Variants in DIAPH3 observed in about 807,000 individuals in gnomAD.
DIAPH3 encodes the protein diaphanous related formin 3, also known as protein diaphanous homolog 3.
In DIAPH3, 117 loss-of-function variants were observed where a neutral mutation model predicts 144.3. The ratio of observed to expected loss-of-function variants is 0.81; its 90% CI spans 0.70 to 0.95. The LOEUF (loss-of-function observed/expected upper bound fraction) is 0.95. Ranked by LOEUF, DIAPH3 falls within the 40% of genes least tolerant of loss-of-function variation. The pLI, the probability that DIAPH3 is intolerant of heterozygous loss-of-function variation, is 0.00. For synonymous variants in DIAPH3, 519 were observed against 488.9 expected (o/e 1.06, Z -0.81); for missense variants, 1,421 against 1,412.7 (o/e 1.01, Z -0.09).
At chr13:59,802,509 AAC>A (rs1325084301) in intron 25 of DIAPH3, among the ~76,000 whole-genome samples, 7 of 149,438 alleles carry the variant, frequency 4.7e-5, no homozygotes, top group African/African-American at 1.7e-4. Context: ...ATTATTTTTC[AAC>A]ACAGACTGGT....
chr13:59,667,491 C>T (rs1370145185), intron 27 of DIAPH3, among the ~76,000 whole-genome samples: 1 of 152,078 alleles, frequency 6.6e-6, no homozygotes, highest in Non-Finnish European at 1.5e-5. Context: ...GATTAATTTC[C>T]TTTTTGAATG....
chr13:59,703,746 GT>G (rs959866260), intron 27 of DIAPH3, among the ~76,000 whole-genome samples: 1 of 152,026 alleles, frequency 6.6e-6, no homozygotes, highest in African/African-American at 2.4e-5. Context: ...TTGTATGCGT[GT>G]TTATGTGTGT....
intron 22 of DIAPH3, among the ~76,000 whole-genome samples, chr13:59,842,056 CAG>C (rs1267135959): frequency 6.6e-6 from 1 of 151,974 alleles, no homozygotes; most frequent in Non-Finnish European, 1.5e-5. Context: ...TTTAAATAAA[CAG>C]ATATAATTTT....
intron 9 of DIAPH3, among the ~76,000 whole-genome samples, chr13:60,007,820 T>C (rs1258042055): frequency 6.6e-6 from 1 of 152,194 alleles, no homozygotes; most frequent in African/African-American, 2.4e-5. Context: ...GAAACATCTA[T>C]AACCTTGGGT....
At chr13:59,762,346 C>G (rs1211555367) in intron 27 of DIAPH3, among the ~76,000 whole-genome samples, 1 of 152,086 alleles carries the variant, frequency 6.6e-6, no homozygotes, top group Non-Finnish European at 1.5e-5. Flanking sequence ...AGGCGTGAGC[C>G]ACCGCGCCCG....
At chr13:59,979,077 T>C (rs1365466023) in intron 14 of DIAPH3, among the ~76,000 whole-genome samples, 2 of 151,678 alleles carry the variant, frequency 1.3e-5, no homozygotes, top group African/African-American at 2.4e-5. Context: ...CAAAATGATA[T>C]GGCAATAGAA....
intron 22 of DIAPH3, among the ~76,000 whole-genome samples, chr13:59,850,294 A>T (rs1481616064): frequency 6.7e-6 from 1 of 149,496 alleles, no homozygotes; most frequent in Non-Finnish European, 1.5e-5. Flanking sequence ...CTCTTTTCCT[A>T]ATTGAATACC....
chr13:59,685,649 G>A (rs1409739971), intron 27 of DIAPH3, among the ~76,000 whole-genome samples: 4 of 152,010 alleles, frequency 2.6e-5, no homozygotes, highest in East Asian at 1.9e-4. Context: ...CTCTGTCATC[G>A]CCTAGATCAT....
intron 24 of DIAPH3, among the ~76,000 whole-genome samples, chr13:59,824,514 G>A (rs2041261918): frequency 6.6e-6 from 1 of 152,128 alleles, no homozygotes; most frequent in South Asian, 2.1e-4. Flanking sequence ...ATTGGCTGAG[G>A]CCTATCATAG....
chr13:59,998,322 AAAACT>A (rs1324864103), intron 9 of DIAPH3, among the ~76,000 whole-genome samples: 5 of 152,126 alleles, frequency 3.3e-5, no homozygotes, highest in African/African-American at 1.2e-4. Flanking sequence ...GCCTTTTTCT[AAAACT>A]GCCTTTATTG....
chr13:59,766,741 T>C (rs917863557), intron 27 of DIAPH3, among the ~76,000 whole-genome samples: 4 of 151,876 alleles, frequency 2.6e-5, no homozygotes, highest in Non-Finnish European at 5.9e-5. Context: ...ACAAACCATT[T>C]GGTTCAGCTA....
intron 25 of DIAPH3, among the ~76,000 whole-genome samples, chr13:59,777,537 G>A (rs992193142): frequency 2.0e-5 from 3 of 152,106 alleles, no homozygotes; most frequent in African/African-American, 2.4e-5. Context: ...GGGATGTAGA[G>A]GAACAGGATA....
intron 1 of DIAPH3, among the ~76,000 whole-genome samples, chr13:60,133,247 G>A (rs1424821629): frequency 6.6e-6 from 1 of 151,546 alleles, no homozygotes; most frequent in Non-Finnish European, 1.5e-5. Flanking sequence ...AATTAACTAT[G>A]GTACAATAAA....
At chr13:59,813,424 T>C (rs1003503019) in intron 24 of DIAPH3, among the ~76,000 whole-genome samples, 1 of 151,990 alleles carries the variant, frequency 6.6e-6, no homozygotes, top group African/African-American at 2.4e-5. Flanking sequence ...AAGTACTTGT[T>C]TACTGTAATA....
intron 20 of DIAPH3, among the ~76,000 whole-genome samples, chr13:59,910,176 T>TAAAA (rs35063217): frequency 1.4e-5 from 2 of 144,624 alleles, no homozygotes. Context: ...AAAACATAGG[T>TAAAA]AAAAAAAAAA....
In DIAPH3 at chr13:59,941,143, T is replaced by C. The variant is rs140245880; in HGVS notation, c.2075-16273A>G. 5.3e-5 allele frequency among the ~76,000 whole-genome samples: 8 copies of C among 152,256 alleles called. No individual in the cohort carries two copies. In the East Asian group the frequency reaches 1.5e-3, roughly 29 times the overall value. On this transcript the variant is annotated intron_variant, in intron 17 of 27. Transcript: ENST00000400324. ...AGTGAGACAATAGTCTTGAAAGCTA[T>C]GTGGTTCAATTGCAAAAGCTGGTTA...
At chr13:59,714,795 C>G (rs342590) in intron 27 of DIAPH3, among the ~76,000 whole-genome samples, 40,951 of 151,908 alleles carry the variant, frequency 0.27, 5,989 homozygotes, top group East Asian at 0.43. Flanking sequence ...GCTAACTGGG[C>G]CCTGAGGGAG....
rs188721921 is a variant in DIAPH3, at chr13:59,666,769, C to A, written c.3397G>T (p.Ala1133Ser). The A allele has an allele frequency of 6.8e-6, 11 of 1,613,982 alleles. No individual in the cohort carries two copies. The highest frequency in any genetic ancestry group is 3.3e-5 in the South Asian group (3 of 91,086). Residue 1133 changes from alanine (A) to serine (S), a missense_variant, in exon 28 of 28, where the codon GCC becomes TCC. By Grantham distance (99) the Ala-to-Ser change is moderately conservative. Transcript: ENST00000400324. ...INCNSTRTPV[A>S]KELNYNLDTH... ...TCTAGATTATAATTAAGCTCCTTGGCGACTGGAGTCCTTGTTGAGTTGCAA... is the reference window on the plus strand; with the variant it reads ...TCTAGATTATAATTAAGCTCCTTGGAGACTGGAGTCCTTGTTGAGTTGCAA...
intron 5 of DIAPH3, 93 bp downstream of exon 5, chr13:60,042,597 G>C: frequency 6.8e-7 from 1 of 1,475,482 alleles, no homozygotes; most frequent in East Asian, 2.3e-5. Context: ...TTGAGAAACT[G>C]TTGAGGTTTA....
Sources: gnomAD v4.1 joint callset for allele counts (sites outside exome capture counted in the v4.1 genomes callset) on GRCh38, gnomAD v4.1.1 for gene constraint, MANE v1.5 for transcripts, NCBI Gene and HGNC (gene_info 2026-07-23, HGNC 2026-07-21) for gene names.